The following CEP68 variants were observed in gnomAD, a reference collection of about 807,000 sequenced individuals.
CEP68 encodes the protein centrosomal protein of 68 kDa.
A neutral mutation model predicts 55.3 loss-of-function variants in CEP68; 26 were observed. The ratio of observed to expected loss-of-function variants is 0.47; its 90% confidence interval spans 0.34 to 0.65. The LOEUF (loss-of-function observed/expected upper bound fraction) is 0.65. Among genes scored for constraint, CEP68 ranks in the 30% least tolerant of loss-of-function variants. The probability of loss-of-function intolerance (pLI) is 0.01; values close to 1 mark genes in which losing one functional copy is unlikely to be tolerated. For missense variants in CEP68, 957 were observed against 946.7 expected (o/e 1.01, Z -0.14); for synonymous variants, 402 against 383.2 (o/e 1.05, Z -0.57).
rs1668998601 is a variant in CEP68, at chr2:65,085,444, A to C, written c.*1810A>C. On this transcript the variant is annotated 3_prime_UTR_variant, in exon 7 of 7. Coordinates refer to ENST00000377990, the MANE Select transcript of CEP68 (RefSeq NM_015147.3). The stretch of plus-strand genomic sequence containing the variant: ...TGCTAACTCCCTGGACCTGGCTGTG[A>C]ATGCTACTGAAGAGTATCAACACAA... The C allele has an allele frequency of 1.3e-5, 2 of 152,218 alleles. No individual in the cohort carries two copies. The highest frequency in any genetic ancestry group is 4.1e-4 in the South Asian group (2 of 4,828). 9.4% of individuals were successfully genotyped at this position (152,218 alleles called of 1,614,324 possible).
At chr2:65,063,375 C>T (rs1479214164) in intron 1 of CEP68, among the ~76,000 whole-genome samples, 1 of 152,216 alleles carries the variant, frequency 6.6e-6, no homozygotes, top group Non-Finnish European at 1.5e-5. Flanking sequence ...TCAGTCCAAC[C>T]TCCTGGCACT....
chr2:65,078,656 C>T (rs1242189359), intron 5 of CEP68, among the ~76,000 whole-genome samples: 1 of 152,228 alleles, frequency 6.6e-6, no homozygotes, highest in Non-Finnish European at 1.5e-5. Flanking sequence ...ATTCTTCTGC[C>T]TCAGCCTCCT....
At position 65,069,669 on chromosome 2, in the gene CEP68, C is replaced by T. The variant is rs1676365389; in HGVS notation, c.225C>T (p.Pro75=). The change falls in exon 2 of 7, where the codon CCC becomes CCT. Residue 75 remains proline, a synonymous_variant. Transcript: ENST00000377990. ...TCWIGTDPGG[P]SRAHQPQASD... is the part of the protein sequence containing the mutation. ...GGATTGGGACTGACCCTGGCGGCCC[C>T]TCTAGAGCCCACCAGCCACAGGCCA... 2.5e-6 allele frequency: 4 copies of T among 1,613,942 alleles called. No homozygotes were observed. The highest frequency in any genetic ancestry group is 3.4e-6 in the Non-Finnish European group (4 of 1,180,042).
intron 1 of CEP68, among the ~76,000 whole-genome samples, chr2:65,067,399 G>T (rs553586281): frequency 2.6e-5 from 4 of 152,028 alleles, no homozygotes; most frequent in African/African-American, 7.2e-5. Flanking sequence ...GAACAAAAGT[G>T]GGGGAAGGAT....
intron 6 of CEP68, among the ~76,000 whole-genome samples, chr2:65,082,915 G>A (rs938243103): frequency 6.6e-6 from 1 of 152,192 alleles, no homozygotes; most frequent in South Asian, 2.1e-4. Context: ...GTTCACCCCT[G>A]CTGCCTGCTG....
Position 65,072,769 on chromosome 2 carries a change from T to A in CEP68, c.1673T>A (p.Phe558Tyr), listed in dbSNP as rs957289140. The A allele has an allele frequency of 6.2e-7, 1 of 1,613,982 alleles. No homozygotes were observed. Among genetic ancestry groups the A allele is most frequent in the Non-Finnish European group, 8.5e-7 (1 of 1,180,020 alleles). The stretch of plus-strand genomic sequence containing the variant: ...GATCCTGAGGGCCAGAATCCCTGTT[T>A]CCTGCGCTCCTTCGTCCGTGCCCAC... Reference protein sequence around the residue: ...SGDPEGQNPCFLRSFVRAHDS... With the variant: ...SGDPEGQNPCYLRSFVRAHDS... Residue 558 changes from phenylalanine to tyrosine, a missense_variant, in exon 3 of 7, where the codon TTC (phenylalanine) becomes TAC (tyrosine). Coordinates refer to ENST00000377990, the MANE Select transcript of CEP68 (RefSeq NM_015147.3).
chr2:65,072,747 C>T lies in CEP68; in HGVS notation c.1651C>T (p.Pro551Ser), dbSNP rs773264693. The part of the protein sequence containing the change: ...PGAALQGSGD[P>S]EGQNPCFLRS... ...AGCTGCCCTCCAAGGATCTGGGGAT[C>T]CTGAGGGCCAGAATCCCTGTTTCCT... Residue 551 changes from proline (P) to serine (S), a missense_variant, in exon 3 of 7, where the codon CCT becomes TCT. Transcript: ENST00000377990. 1 of 1,614,010 alleles carries T rather than the reference C, an allele frequency of 6.2e-7. No homozygotes were observed. Among genetic ancestry groups the T allele is most frequent in the Non-Finnish European group, 8.5e-7 (1 of 1,180,028 alleles).
At position 65,071,600 on chromosome 2, in the gene CEP68, G is replaced by C. The variant is rs1676465384; in HGVS notation, c.504G>C (p.Gln168His). Residue 168 changes from glutamine (Q) to histidine (H), a missense_variant, in exon 3 of 7, where the codon CAG becomes CAC. Physicochemically the swap from Gln to His is conservative, Grantham distance 24 (BLOSUM62 0). Coordinates refer to ENST00000377990, the MANE Select transcript of CEP68 (RefSeq NM_015147.3). ...TGCCCCAGGCACTGGACCTCAGCCA[G>C]CAGCCTCACAGCTCAGGTCTCTCTT... ...ADLPQALDLSQQPHSSGLSCL... is the reference protein window; with the variant it reads ...ADLPQALDLSHQPHSSGLSCL... The C allele has an allele frequency of 6.2e-7, 1 of 1,614,160 alleles. No homozygotes were observed. The highest frequency in any genetic ancestry group is 1.3e-5 in the African/African-American group (1 of 75,048).
rs767871813 is a variant in CEP68 at position 65,072,345 on chromosome 2, G to T, written c.1249G>T (p.Ala417Ser). Residue 417 changes from alanine to serine, a missense_variant, in exon 3 of 7, where the codon GCC (alanine) becomes TCC (serine). Physicochemically the swap from Ala to Ser is moderately conservative, Grantham distance 99 (BLOSUM62 1). Coordinates refer to ENST00000377990, the MANE Select transcript of CEP68 (RefSeq NM_015147.3). Reference protein sequence around the residue: ...RDARWERREPALRGAKDRLTI... With the variant: ...RDARWERREPSLRGAKDRLTI... ...TGCTCGTTGGGAGCGCAGAGAGCCAGCCCTGAGGGGTGCGAAGGACCGGCT... is the reference window on the plus strand; with the variant it reads ...TGCTCGTTGGGAGCGCAGAGAGCCATCCCTGAGGGGTGCGAAGGACCGGCT... 6.2e-7 allele frequency: 1 copy of T among 1,613,956 alleles called. No homozygotes were observed. The highest frequency in any genetic ancestry group is 2.2e-5 in the East Asian group (1 of 44,858).
At position 65,072,641 on chromosome 2, in the gene CEP68, G is replaced by GC; in HGVS notation, c.1546dup (p.Gln516ProfsTer10). 1 of 1,614,120 alleles carries GC rather than the reference G, an allele frequency of 6.2e-7. No individual in the cohort carries two copies. Among genetic ancestry groups the GC allele is most frequent in the Non-Finnish European group, 8.5e-7 (1 of 1,180,020 alleles). On this transcript the variant is annotated frameshift_variant, in exon 3 of 7. Coordinates refer to ENST00000377990, the MANE Select transcript of CEP68 (RefSeq NM_015147.3). LOFTEE classifies it high-confidence loss of function. ...CCCTGCCCACTGGGGATATCAAAGG[G>GC]CAGAGCCCCTTGGAAGTGTCAGACA... is the stretch of plus-strand genomic sequence containing the variant.
chr2:65,069,238 A>G (rs72888430), intron 1 of CEP68, among the ~76,000 whole-genome samples, 161 bp from the exon 2 acceptor site: 2,046 of 152,364 alleles, frequency 0.013, 41 homozygotes, highest in African/African-American at 0.047. Flanking sequence ...GTCTGGGGCC[A>G]GGGAAAAGCC....
intron 3 of CEP68, 43 bp downstream of exon 3, chr2:65,073,023 T>C (rs1275370524): frequency 6.2e-7 from 1 of 1,600,946 alleles, no homozygotes; most frequent in African/African-American, 1.3e-5. Context: ...ACAGGTGTCT[T>C]GTCTCTTCCC....
chr2:65,082,120 T>C (rs1428689224), intron 5 of CEP68, among the ~76,000 whole-genome samples: 6 of 152,228 alleles, frequency 3.9e-5, no homozygotes, highest in African/African-American at 9.6e-5. Flanking sequence ...TAGAAACTGA[T>C]AGACCTGGTA....
At chr2:65,069,936 T>G in intron 2 of CEP68, 135 bp downstream of exon 2, 1 of 855,320 alleles carries the variant, frequency 1.2e-6, no homozygotes, top group South Asian at 1.6e-5. Context: ...GTATGATGAT[T>G]TCTGTTTTGC....
rs1334972913 is a variant in CEP68, at chr2:65,074,400, A to T, written c.2003A>T (p.Tyr668Phe). Reference protein sequence around the residue: ...LTSLKSSLQLYRQFKKDIDEH... With the variant: ...LTSLKSSLQLFRQFKKDIDEH... ...AGTCTCAAGTCTTCTCTGCAGCTTT[A>T]CCGGGTAATATGCGGTCCTGGCTCT... Residue 668 changes from tyrosine (Y) to phenylalanine (F), a missense_variant, in exon 4 of 7, where the codon TAC (tyrosine) becomes TTC (phenylalanine). Coordinates refer to ENST00000377990, the MANE Select transcript of CEP68 (RefSeq NM_015147.3). The T allele has an allele frequency of 6.2e-7, 1 of 1,613,992 alleles. No homozygotes were observed. Among genetic ancestry groups the T allele is most frequent in the East Asian group, 2.2e-5 (1 of 44,890 alleles).
chr2:65,063,082 T>C (rs983895439), intron 1 of CEP68, among the ~76,000 whole-genome samples: 1 of 152,164 alleles, frequency 6.6e-6, no homozygotes. Flanking sequence ...AGGCTTAGAG[T>C]TTGTGTTACC....
chr2:65,057,598 A>G (rs1675694440), intron 1 of CEP68, among the ~76,000 whole-genome samples: 1 of 152,196 alleles, frequency 6.6e-6, no homozygotes, highest in Non-Finnish European at 1.5e-5. Context: ...ATCACACTGT[A>G]TTGTGGTTTC....
rs751888109 is a variant in CEP68 at position 65,072,271 on chromosome 2, C to T, written c.1175C>T (p.Ala392Val). Reference protein sequence around the residue: ...VPQKQGGMGLASWSQLASTPR... With the variant: ...VPQKQGGMGLVSWSQLASTPR... ...CAGAAACAGGGTGGCATGGGCTTGG[C>T]ATCTTGGAGCCAACTTGCATCTACC... is the stretch of plus-strand genomic sequence containing the variant. Residue 392 changes from alanine (A) to valine (V), a missense_variant, in exon 3 of 7, where the codon GCA (alanine) becomes GTA (valine). By Grantham distance (64) the Ala-to-Val change is moderately conservative. Transcript: ENST00000377990. 6.2e-7 allele frequency: 1 copy of T among 1,614,050 alleles called. No individual in the cohort carries two copies. Among genetic ancestry groups the T allele is most frequent in the Non-Finnish European group, 8.5e-7 (1 of 1,180,004 alleles).
chr2:65,082,603 G>T lies in CEP68; in HGVS notation c.2172G>T (p.Leu724=), dbSNP rs560970351. 2 of 1,611,122 alleles carry T rather than the reference G, an allele frequency of 1.2e-6. No individual in the cohort carries two copies. The highest frequency in any genetic ancestry group is 1.7e-6 in the Non-Finnish European group (2 of 1,178,904). The change falls in exon 6 of 7, where the codon CTG becomes CTT. Residue 724 remains leucine, a synonymous_variant. Transcript: ENST00000377990. The stretch of plus-strand genomic sequence containing the variant: ...AGCTGGAGAGCCACGCAGATCGCCT[G>T]TATGACTCTATCTTGGCCTCTCTGG... ...SGELESHADR[L]YDSILASLDM...
Sources: allele counts gnomAD v4.1 joint callset (sites outside exome capture counted in the v4.1 genomes callset), GRCh38; gene constraint gnomAD v4.1.1; transcripts MANE v1.5; gene names NCBI Gene and HGNC (gene_info 2026-07-23, HGNC 2026-07-21).